Variants in XKR9 observed in about 807,000 individuals in gnomAD.
XKR9 encodes XK related 9.
A neutral mutation model predicts 32.0 loss-of-function variants in XKR9; 32 were observed. The observed-to-expected ratio is 1.00, with a 90% CI of 0.76 to 1.34. The LOEUF is 1.34. Ranked by LOEUF, XKR9 falls within the 40% of genes most tolerant of loss-of-function variation. The pLI is 0.00. For synonymous variants in XKR9, 168 were observed against 143.4 expected, an observed-to-expected ratio of 1.17 and a Z score of -1.22; for missense variants, 546 against 429.7, an observed-to-expected ratio of 1.27 and a Z score of -2.39.
chr8:70,762,103 C>G (rs1035993921), intron 2 of XKR9, among the ~76,000 whole-genome samples: 2 of 151,924 alleles, frequency 1.3e-5, no homozygotes, highest in African/African-American at 4.8e-5. Context: ...TACTGTAGCC[C>G]TGTAGTATAG....
the XKR9 span, among the ~76,000 whole-genome samples, chr8:71,040,094 G>A: frequency 2.0e-5 from 3 of 152,196 alleles, no homozygotes; most frequent in East Asian, 1.9e-4. Flanking sequence ...TAGGATTTAC[G>A]CATTTCTCCG....
At chr8:70,702,447 C>T (rs1312299262) in intron 3 of XKR9, among the ~76,000 whole-genome samples, 8 of 152,086 alleles carry the variant, frequency 5.3e-5, no homozygotes, top group South Asian at 2.1e-4. Flanking sequence ...GTCAATTAGG[C>T]AGATAATGTT....
intron 2 of XKR9, among the ~76,000 whole-genome samples, chr8:70,753,024 A>G (rs911779138): frequency 3.3e-5 from 5 of 152,330 alleles, no homozygotes; most frequent in African/African-American, 1.2e-4. Context: ...CGCTAGCAAG[A>G]CTAATAAAGA....
the XKR9 span, among the ~76,000 whole-genome samples, chr8:70,889,209 T>C: frequency 6.6e-6 from 1 of 151,748 alleles, no homozygotes; most frequent in South Asian, 2.1e-4. Flanking sequence ...TTATTTTTTT[T>C]AGTTATTGTA....
At chr8:70,743,196 C>G (rs1252658620) in intron 2 of XKR9, among the ~76,000 whole-genome samples, 1 of 152,080 alleles carries the variant, frequency 6.6e-6, no homozygotes, top group Non-Finnish European at 1.5e-5. Context: ...GAATTTTTAA[C>G]ATTTTTCAGA....
chr8:70,683,766 G>A (rs1388481113), intron 3 of XKR9: 1 of 244,004 alleles, frequency 4.1e-6, no homozygotes, highest in African/African-American at 2.4e-5. Flanking sequence ...GGGATTATAG[G>A]TGTGAGCCAC....
the XKR9 span, among the ~76,000 whole-genome samples, chr8:71,037,372 A>G: frequency 6.6e-6 from 1 of 152,196 alleles, no homozygotes. Context: ...AATAGGTCAA[A>G]GGACTGCAGG....
chr8:70,856,666 A>G, the XKR9 span, among the ~76,000 whole-genome samples: 5 of 152,214 alleles, frequency 3.3e-5, no homozygotes, highest in African/African-American at 1.2e-4. Flanking sequence ...TCAACAGAAT[A>G]TACATTCTTT....
the XKR9 span, among the ~76,000 whole-genome samples, chr8:71,050,565 G>C: frequency 6.6e-6 from 1 of 152,032 alleles, no homozygotes; most frequent in African/African-American, 2.4e-5. Flanking sequence ...GGAATACTAA[G>C]AGATTTGAAT....
At chr8:71,018,476 G>A in the XKR9 span, among the ~76,000 whole-genome samples, 1 of 152,184 alleles carries the variant, frequency 6.6e-6, no homozygotes, top group South Asian at 2.1e-4. Context: ...GAGTATCTGT[G>A]GGAGCTTCCG....
the XKR9 span, among the ~76,000 whole-genome samples, chr8:70,903,277 T>C: frequency 2.0e-5 from 3 of 152,246 alleles, no homozygotes; most frequent in African/African-American, 4.8e-5. Flanking sequence ...TCCTGGACTT[T>C]TTTTGGTTGG....
intron 2 of XKR9, among the ~76,000 whole-genome samples, chr8:70,774,662 T>A (rs571093046): frequency 6.6e-6 from 1 of 152,138 alleles, no homozygotes; most frequent in Non-Finnish European, 1.5e-5. Flanking sequence ...TTGAAAAGAC[T>A]GTCCTCTCCC....
chr8:70,878,987 C>T, the XKR9 span, among the ~76,000 whole-genome samples: 1 of 152,134 alleles, frequency 6.6e-6, no homozygotes, highest in African/African-American at 2.4e-5. Context: ...AACTAGAACT[C>T]AGGATTAAGA....
the XKR9 span, among the ~76,000 whole-genome samples, chr8:70,902,216 G>A: frequency 6.6e-6 from 1 of 152,114 alleles, no homozygotes; most frequent in Non-Finnish European, 1.5e-5. Flanking sequence ...TGATGGGGAT[G>A]GCATTGAATC....
the XKR9 span, among the ~76,000 whole-genome samples, chr8:70,808,297 T>G: frequency 9.2e-5 from 14 of 152,146 alleles, no homozygotes; most frequent in African/African-American, 3.4e-4. Context: ...TAGCACTAGA[T>G]GCCCACATCA....
chr8:70,951,766 G>T, the XKR9 span, among the ~76,000 whole-genome samples: 1 of 152,016 alleles, frequency 6.6e-6, no homozygotes, highest in African/African-American at 2.4e-5. Flanking sequence ...AGGTTAAATG[G>T]ACCTACAGTT....
chr8:70,734,484 G>T lies in XKR9; in HGVS notation c.*60G>T. 7.0e-7 allele frequency: 1 copy of T among 1,429,680 alleles called. No individual in the cohort carries two copies. Among genetic ancestry groups the T allele is most frequent in the African/African-American group, 1.4e-5 (1 of 69,088 alleles). The allele number at this position is 1,429,680 out of a possible 1,614,324, so 88.6% of individuals were successfully genotyped here. A position where few individuals can be genotyped will look rare whatever the true frequency, so the allele number is the denominator to read the frequency against. On this transcript the variant is annotated 3_prime_UTR_variant, in exon 5 of 5. Transcript: ENST00000408926. ...TGTTTCATTGGTTAGTAAAGAAAAT[G>T]TGTGTTATGTGGGTGTGTTGTCTCT...
At chr8:70,964,378 A>G in the XKR9 span, among the ~76,000 whole-genome samples, 1 of 151,976 alleles carries the variant, frequency 6.6e-6, no homozygotes, top group Non-Finnish European at 1.5e-5. Flanking sequence ...GCCTTGTAGT[A>G]TTGTTTGAAG....
the XKR9 span, among the ~76,000 whole-genome samples, chr8:70,971,882 G>T: frequency 9.9e-5 from 15 of 152,130 alleles, no homozygotes; most frequent in Admixed American, 2.6e-4. Context: ...ATAGTTTGAA[G>T]TTGGGTACTG....
Sources: allele counts gnomAD v4.1 joint callset (sites outside exome capture counted in the v4.1 genomes callset), GRCh38; gene constraint gnomAD v4.1.1; transcripts MANE v1.5; gene names NCBI Gene and HGNC (gene_info 2026-07-23, HGNC 2026-07-21).